Variants in DDX31 observed in about 807,000 individuals in gnomAD.
The protein encoded by DDX31 is ATP-dependent DNA helicase DDX31.
A neutral mutation model predicts 91.3 loss-of-function variants in DDX31; 70 were observed. The ratio of observed to expected loss-of-function variants is 0.77; its 90% CI spans 0.63 to 0.94. The LOEUF is 0.94. Among genes scored for constraint, DDX31 ranks in the 40% least tolerant of loss-of-function variants. The pLI is 0.00. For missense variants in DDX31, 902 were observed against 925.0 expected, an observed-to-expected ratio of 0.98 and a Z score of 0.32; for synonymous variants, 362 against 350.6, an observed-to-expected ratio of 1.03 and a Z score of -0.36.
At chr9:132,643,403 C>T in intron 13 of DDX31, among the ~76,000 whole-genome samples, 1 of 152,240 alleles carries the variant, frequency 6.6e-6, no homozygotes, top group Non-Finnish European at 1.5e-5. Context: ...AGTAAAGTCT[C>T]TGCCGCTTTG....
chr9:132,626,903 G>C (rs1590020584), intron 16 of DDX31, among the ~76,000 whole-genome samples: 1 of 152,234 alleles, frequency 6.6e-6, no homozygotes, highest in East Asian at 1.9e-4. Context: ...GTCAACCAGA[G>C]GAGGCAGAGC....
Position 132,632,291 on chromosome 9 carries a change from CACACACAG to C in DDX31, c.1441-208_1441-201del, listed in dbSNP as rs1177002511. On this transcript the variant is annotated intron_variant, in intron 14 of 19. Transcript: ENST00000372159. ...ACACACACACACACACACACACACA[CACACACAG>C]TCCTGCATACAACTTCAGGGGGCTC... Among the ~76,000 whole-genome samples, 226 of 132,586 alleles carry C rather than the reference CACACACAG, an allele frequency of 1.7e-3. 4 individuals carry two copies. The highest frequency in any genetic ancestry group is 6.6e-3 in the African/African-American group (218 of 33,182). 87.0% of individuals were successfully genotyped at this position (132,586 alleles called of 152,430 possible). A position where few individuals can be genotyped will look rare whatever the true frequency, so the allele number is the denominator to read the frequency against.
intron 15 of DDX31, 122 bp from the exon 16 acceptor site, chr9:132,630,525 C>T: frequency 1.0e-6 from 1 of 983,958 alleles, no homozygotes; most frequent in Non-Finnish European, 1.4e-6. Flanking sequence ...TATGGTTACC[C>T]TAACACAATC....
At position 132,593,010 on chromosome 9, in the gene DDX31, GATTT is replaced by G. The variant is rs1186806092; in HGVS notation, c.*1852_*1855del. ...CAAGAGCCATAATAGAAGAGAAAGA[GATTT>G]ATTTTAAGGTTATTTAAATTTAAAC... On this transcript the variant is annotated 3_prime_UTR_variant, in exon 20 of 20. Transcript: ENST00000372159. 14 of 152,234 alleles carry G rather than the reference GATTT, an allele frequency of 9.2e-5. No individual in the cohort carries two copies. The highest frequency in any genetic ancestry group is 1.2e-4 in the Non-Finnish European group (8 of 68,016). 9.4% of individuals were successfully genotyped at this position (152,234 alleles called of 1,614,324 possible). A position where few individuals can be genotyped will look rare whatever the true frequency, so the allele number is the denominator to read the frequency against.
intron 1 of DDX31, 25 bp downstream of exon 1, chr9:132,669,835 G>A (rs781342447): frequency 4.7e-5 from 73 of 1,556,470 alleles, no homozygotes; most frequent in Non-Finnish European, 3.7e-5. Context: ...GGTGGGGACG[G>A]AGCTGAAGCC....
intron 5 of DDX31, 112 bp downstream of exon 5, chr9:132,659,598 C>T: frequency 9.7e-7 from 1 of 1,026,046 alleles, no homozygotes; most frequent in South Asian, 1.5e-5. Flanking sequence ...CCTCCCTCCC[C>T]CAAACGAAAC....
At position 132,669,338 on chromosome 9, in the gene DDX31, C is replaced by T. The variant is rs561727142; in HGVS notation, c.75+522G>A. 2.3e-5 allele frequency among the ~76,000 whole-genome samples: 3 copies of T among 132,984 alleles called. No homozygotes were observed. The Admixed American group carries it at 2.8e-4, about 13-fold the overall frequency. 87.2% of individuals were successfully genotyped at this position (132,984 alleles called of 152,430 possible). ...TTAGGGGTAATATTTTAACTTTCTTCTTTGTCACATAATGTTAGGCCAGAG... is the reference window on the plus strand; with the variant it reads ...TTAGGGGTAATATTTTAACTTTCTTTTTTGTCACATAATGTTAGGCCAGAG... On this transcript the variant is annotated intron_variant, in intron 1 of 19. Transcript: ENST00000372159.
intron 17 of DDX31, among the ~76,000 whole-genome samples, chr9:132,619,702 C>T (rs185610368): frequency 2.6e-5 from 4 of 152,218 alleles, no homozygotes; most frequent in Admixed American, 1.3e-4. Flanking sequence ...GGGTTCTATC[C>T]GCTAAAATGT....
At chr9:132,607,176 G>A (rs1040648579) in intron 19 of DDX31, among the ~76,000 whole-genome samples, 2 of 152,172 alleles carry the variant, frequency 1.3e-5, no homozygotes, top group Admixed American at 6.5e-5. Context: ...CACAGGGTGC[G>A]CTGGTTCTGG....
intron 1 of DDX31, chr9:132,663,263 C>T (rs1277765006): frequency 1.6e-6 from 2 of 1,289,210 alleles, no homozygotes; most frequent in East Asian, 1.1e-4. Context: ...TCTCTCCTCT[C>T]AAGCTGCTCC....
At chr9:132,614,061 C>A (rs772552609) in intron 18 of DDX31, among the ~76,000 whole-genome samples, 24 of 152,182 alleles carry the variant, frequency 1.6e-4, no homozygotes, top group Non-Finnish European at 3.2e-4. Flanking sequence ...CCTTGTTGAG[C>A]CACTGGACTG....
intron 19 of DDX31, among the ~76,000 whole-genome samples, chr9:132,606,156 G>A (rs1400324492): frequency 2.0e-5 from 3 of 152,146 alleles, no homozygotes; most frequent in African/African-American, 4.8e-5. Flanking sequence ...GTGTGGTTTC[G>A]TCCAGCCTCT....
At chr9:132,635,692 T>TC (rs1393023548) in intron 14 of DDX31, among the ~76,000 whole-genome samples, 1 of 151,506 alleles carries the variant, frequency 6.6e-6, no homozygotes, top group Non-Finnish European at 1.5e-5. Context: ...ACACCTATAA[T>TC]CCCAGCACTT....
intron 18 of DDX31, among the ~76,000 whole-genome samples, chr9:132,614,471 C>G (rs950678085): frequency 2.0e-5 from 3 of 152,082 alleles, no homozygotes; most frequent in African/African-American, 7.2e-5. Flanking sequence ...CTCAACCTTT[C>G]TTTCCCCAAC....
At chr9:132,649,107 A>AT (rs539446276) in intron 9 of DDX31, among the ~76,000 whole-genome samples, 12 of 149,462 alleles carry the variant, frequency 8.0e-5, no homozygotes, top group African/African-American at 1.2e-4. Context: ...TTTTTAGCAC[A>AT]TTTTTTTTTT....
In DDX31 at chr9:132,645,904, C is replaced by T; in HGVS notation, c.1371G>A (p.Met457Ile). Residue 457 changes from methionine to isoleucine, a missense_variant, in exon 13 of 20, where the codon ATG becomes ATA. Met to Ile is a conservative substitution (Grantham distance 10, BLOSUM62 1). Coordinates refer to ENST00000372159, the MANE Select transcript of DDX31 (RefSeq NM_022779.9). ...GGAGATCAGTGCTCACCTCCTGCTC[C>T]ATGCCGCCATGCAGCCGTAGGAATT... Reference protein sequence around the residue: ...RLKFLRLHGGMEQEERTAVFQ... With the variant: ...RLKFLRLHGGIEQEERTAVFQ... The T allele has an allele frequency of 6.2e-7, 1 of 1,612,572 alleles. No homozygotes were observed. The highest frequency in any genetic ancestry group is 8.5e-7 in the Non-Finnish European group (1 of 1,179,322).
intron 17 of DDX31, 138 bp downstream of exon 17, chr9:132,625,526 G>T: frequency 3.0e-6 from 2 of 677,838 alleles, no homozygotes; most frequent in East Asian, 2.9e-5. Context: ...ATCAAGATTT[G>T]GCCTCATCTA....
rs1338913130 is a variant in DDX31, at chr9:132,612,142, C to T, written c.1939G>A (p.Ala647Thr). The T allele has an allele frequency of 6.2e-7, 1 of 1,614,026 alleles. No individual in the cohort carries two copies. The highest frequency in any genetic ancestry group is 1.7e-5 in the Admixed American group (1 of 59,998). The stretch of plus-strand genomic sequence containing the variant: ...GTCAAGGCACTAAGATTCCTGGGGG[C>T]ATCTCTTAGTCCGAAGCTCTTCGCC... ...HVAKSFGLRD[A>T]PRNLSALTRK... is the part of the protein sequence containing the mutation. The change falls in exon 19 of 20, where the codon GCC becomes ACC. Residue 647 changes from alanine (A) to threonine (T), a missense_variant. Physicochemically the swap from Ala to Thr is moderately conservative, Grantham distance 58. Transcript: ENST00000372159.
chr9:132,661,751 T>G (rs897062448), intron 3 of DDX31, among the ~76,000 whole-genome samples: 2 of 152,156 alleles, frequency 1.3e-5, no homozygotes, highest in Non-Finnish European at 2.9e-5. Flanking sequence ...TCTGGAGAAC[T>G]CACTTTTTTT....
Sources: gnomAD v4.1 joint callset for allele counts (sites outside exome capture counted in the v4.1 genomes callset) on GRCh38, gnomAD v4.1.1 for gene constraint, MANE v1.5 for transcripts, NCBI Gene and HGNC (gene_info 2026-07-23, HGNC 2026-07-21) for gene names.